Variants in LNX1 observed in about 807,000 individuals in gnomAD.
The protein encoded by LNX1 is E3 ubiquitin-protein ligase LNX.
LNX1 carries 54 observed loss-of-function variants against 68.4 expected under a neutral mutation model. The ratio of observed to expected loss-of-function variants is 0.79; its 90% CI spans 0.63 to 0.99. The LOEUF (loss-of-function observed/expected upper bound fraction) is 0.99, where lower values mean the gene tolerates loss of function less well. Among genes scored for constraint, LNX1 ranks in the 50% least tolerant of loss-of-function variants. The pLI, the probability that LNX1 is intolerant of heterozygous loss-of-function variation, is 0.00. For missense variants in LNX1, 906 were observed against 926.4 expected (o/e 0.98, Z 0.29); for synonymous variants, 336 against 350.0 (o/e 0.96, Z 0.45).
At position 53,488,341 on chromosome 4, in the gene LNX1, C is replaced by T. The variant is rs562928494; in HGVS notation, c.1351-6487G>A. ...CCCACATCAATTTCCCTGTGACAAT[C>T]CTATTTGAGGATCACTCTCATTGCT... On this transcript the variant is annotated intron_variant, in intron 6 of 10. Coordinates refer to ENST00000263925, the MANE Select transcript of LNX1 (RefSeq NM_001126328.3). 2.6e-5 allele frequency among the ~76,000 whole-genome samples: 4 copies of T among 152,292 alleles called. No individual in the cohort carries two copies. In the South Asian group the frequency reaches 8.3e-4, roughly 32 times the overall value.
chr4:53,587,245 A>G (rs535708378), intron 1 of LNX1, among the ~76,000 whole-genome samples: 202 of 152,322 alleles, frequency 1.3e-3, no homozygotes, highest in African/African-American at 4.3e-3. Context: ...AAACACAGAA[A>G]GTTTACGGGA....
chr4:53,554,023 C>T (rs368208857), intron 2 of LNX1, among the ~76,000 whole-genome samples: 1 of 152,312 alleles, frequency 6.6e-6, no homozygotes, highest in South Asian at 2.1e-4. Flanking sequence ...ACAGCTTAGC[C>T]CCTAGCCTGT....
At chr4:53,605,201 T>G (rs1236126041) in intron 2 of LNX1, among the ~76,000 whole-genome samples, 1 of 152,176 alleles carries the variant, frequency 6.6e-6, no homozygotes, top group Admixed American at 6.5e-5. Context: ...TTGAAGAGCA[T>G]GTGGAATGGG....
chr4:53,530,812 G>C (rs1727964922), intron 2 of LNX1, among the ~76,000 whole-genome samples: 1 of 152,120 alleles, frequency 6.6e-6, no homozygotes, highest in Non-Finnish European at 1.5e-5. Context: ...AAATTACATA[G>C]TGTCTAGAAT....
At chr4:53,559,985 G>A (rs182531872) in intron 2 of LNX1, among the ~76,000 whole-genome samples, 16 of 152,272 alleles carry the variant, frequency 1.1e-4, no homozygotes, top group Admixed American at 4.6e-4. Flanking sequence ...AACTATTAGC[G>A]ATAGTGAATG....
In LNX1 at chr4:53,573,443, C is replaced by T. The variant is rs1323244174; in HGVS notation, c.380+180G>A. Among the ~76,000 whole-genome samples the T allele has an allele frequency of 4.6e-5, 7 of 152,302 alleles. No individual in the cohort carries two copies. In the East Asian group the frequency reaches 1.3e-3, roughly 29 times the overall value. On this transcript the variant is annotated intron_variant, in intron 2 of 10. Coordinates refer to ENST00000263925, the MANE Select transcript of LNX1 (RefSeq NM_001126328.3). ...AAAAAATCCCATAAACACATACATA[C>T]AACACAACTCCACCAAATGCTATTT...
Position 53,546,768 on chromosome 4 carries a change from A to G in LNX1, c.380+26855T>C, listed in dbSNP as rs116957885. Among the ~76,000 whole-genome samples, 127 of 152,298 alleles carry G rather than the reference A, an allele frequency of 8.3e-4. 1 individual carries two copies. The East Asian group carries it at 0.023, about 28-fold the overall frequency. ...GGGAAGGAGGAAAATAGGAAAGAGG[A>G]GCTGCAGTGTGAGGGCAGCAAGGAG... On this transcript the variant is annotated intron_variant, in intron 2 of 10. Coordinates refer to ENST00000263925, the MANE Select transcript of LNX1 (RefSeq NM_001126328.3).
At chr4:53,596,638 C>T (rs987505174) in intron 2 of LNX1, among the ~76,000 whole-genome samples, 7 of 152,106 alleles carry the variant, frequency 4.6e-5, no homozygotes, top group African/African-American at 1.4e-4. Flanking sequence ...TGTCTTTGTT[C>T]TTTCTTGGAT....
chr4:53,467,536 C>T (rs1238407875), intron 9 of LNX1, among the ~76,000 whole-genome samples: 1 of 152,030 alleles, frequency 6.6e-6, no homozygotes, highest in Non-Finnish European at 1.5e-5. Flanking sequence ...GAAGATCACA[C>T]TACTACGAGC....
intron 2 of LNX1, among the ~76,000 whole-genome samples, chr4:53,521,323 T>A (rs187014760): frequency 1.3e-5 from 2 of 152,192 alleles, no homozygotes; most frequent in African/African-American, 4.8e-5. Flanking sequence ...TGGGGGAAGG[T>A]GAAAATCATT....
At chr4:53,568,191 C>CA (rs1730845697) in intron 2 of LNX1, among the ~76,000 whole-genome samples, 1 of 151,602 alleles carries the variant, frequency 6.6e-6, no homozygotes, top group East Asian at 1.9e-4. Context: ...GAGACACAAC[C>CA]AAAAAAGAGA....
chr4:53,538,662 C>T (rs1046774447), intron 2 of LNX1, among the ~76,000 whole-genome samples: 3 of 152,184 alleles, frequency 2.0e-5, no homozygotes, highest in Non-Finnish European at 4.4e-5. Context: ...CTGAGTCTCA[C>T]TTGATTCATC....
chr4:53,514,067 C>A (rs949967168), intron 2 of LNX1, among the ~76,000 whole-genome samples: 1 of 152,182 alleles, frequency 6.6e-6, no homozygotes, highest in Non-Finnish European at 1.5e-5. Context: ...TTTGTTCCTG[C>A]ATCTCCTTCA....
At chr4:53,528,520 T>C (rs1727789027) in intron 2 of LNX1, among the ~76,000 whole-genome samples, 1 of 152,236 alleles carries the variant, frequency 6.6e-6, no homozygotes, top group Non-Finnish European at 1.5e-5. Context: ...TATATTGCTA[T>C]AATTATTGTA....
intron 2 of LNX1, among the ~76,000 whole-genome samples, chr4:53,610,249 A>C (rs573271187): frequency 1.6e-4 from 24 of 152,314 alleles, no homozygotes; most frequent in African/African-American, 5.8e-4. Context: ...ATAAATAAGA[A>C]AAAATTATCA....
At chr4:53,621,810 G>A (rs1733890001), upstream of LNX1, among the ~76,000 whole-genome samples, 1 of 152,168 alleles carries the variant, frequency 6.6e-6, no homozygotes, top group African/African-American at 2.4e-5. Flanking sequence ...GCACCGATTT[G>A]AGAGTTGGAT....
intron 4 of LNX1, chr4:53,501,894 C>G (rs1725530880): frequency 6.6e-6 from 1 of 152,254 alleles, no homozygotes; most frequent in Non-Finnish European, 1.5e-5. Flanking sequence ...CTCCAGCCCG[C>G]CTACTCATTG....
At position 53,554,638 on chromosome 4, in the gene LNX1, G is replaced by A. The variant is rs4864470; in HGVS notation, c.380+18985C>T. Among the ~76,000 whole-genome samples the A allele has an allele frequency of 7.2e-3, 1,102 of 152,310 alleles. 16 individuals carry two copies. Among genetic ancestry groups the A allele is most frequent in the African/African-American group, 0.025 (1,030 of 41,570 alleles). Reference sequence around the variant, plus strand: ...GGAGGCCAAGGTGGGTGGATCACAAGGTCAGGAGTTCAAGACCAGCCTGGC... The same window carrying A: ...GGAGGCCAAGGTGGGTGGATCACAAAGTCAGGAGTTCAAGACCAGCCTGGC... On this transcript the variant is annotated intron_variant, in intron 2 of 10. Coordinates refer to ENST00000263925, the MANE Select transcript of LNX1 (RefSeq NM_001126328.3).
chr4:53,571,211 G>A (rs1185183168), intron 2 of LNX1, among the ~76,000 whole-genome samples: 2 of 151,732 alleles, frequency 1.3e-5, no homozygotes, highest in African/African-American at 4.8e-5. Context: ...GTAGAGACAG[G>A]GTTTCACTAT....
Sources: gnomAD v4.1 joint callset for allele counts (sites outside exome capture counted in the v4.1 genomes callset) on GRCh38, gnomAD v4.1.1 for gene constraint, MANE v1.5 for transcripts, NCBI Gene and HGNC (gene_info 2026-07-23, HGNC 2026-07-21) for gene names.